Variants in PLXNA4 observed in about 807,000 individuals in gnomAD.
The protein encoded by PLXNA4 is plexin A4, also known as plexin-A4.
Under a neutral mutation model 191.8 loss-of-function variants are expected in PLXNA4, and 44 were observed. The observed-to-expected ratio is 0.23, with a 90% CI of 0.18 to 0.29. The LOEUF is 0.29. Among genes scored for constraint, PLXNA4 ranks in the 10% least tolerant of loss-of-function variants. The pLI, the probability that PLXNA4 is intolerant of heterozygous loss-of-function variation, is 1.00. For missense variants in PLXNA4, 1,800 were observed against 2,488.8 expected (o/e 0.72, Z 5.89); for synonymous variants, 1,082 against 1,009.5 (o/e 1.07, Z -1.36).
At chr7:132,170,131 A>G (rs923417841) in intron 21 of PLXNA4, among the ~76,000 whole-genome samples, 1 of 152,114 alleles carries the variant, frequency 6.6e-6, no homozygotes, top group African/African-American at 2.4e-5. Context: ...GTCATTTCCT[A>G]GGGCCCTTAG....
At chr7:132,582,661 C>T (rs1802425325) in intron 2 of PLXNA4, among the ~76,000 whole-genome samples, 1 of 152,196 alleles carries the variant, frequency 6.6e-6, no homozygotes, top group Non-Finnish European at 1.5e-5. Flanking sequence ...CCAGTTAAGC[C>T]TTCAGATGAT....
At chr7:132,457,974 C>A (rs1796369387) in intron 3 of PLXNA4, among the ~76,000 whole-genome samples, 1 of 152,168 alleles carries the variant, frequency 6.6e-6, no homozygotes, top group South Asian at 2.1e-4. Context: ...GACTTCTGAT[C>A]CCCAGAGCTG....
At chr7:132,430,545 T>C (rs1489653274) in intron 3 of PLXNA4, among the ~76,000 whole-genome samples, 2 of 152,012 alleles carry the variant, frequency 1.3e-5, no homozygotes, top group African/African-American at 2.4e-5. Context: ...GTATGCACAG[T>C]TGGGGCACAG....
chr7:132,180,825 C>G (rs990585798), intron 18 of PLXNA4, 93 bp from the exon 19 acceptor site: 1 of 1,527,030 alleles, frequency 6.5e-7, no homozygotes, highest in East Asian at 2.3e-5. Context: ...GGTCCCATCC[C>G]GCTGGTGAGC....
At chr7:132,362,143 T>A (rs531001584) in intron 3 of PLXNA4, among the ~76,000 whole-genome samples, 49 of 152,142 alleles carry the variant, frequency 3.2e-4, no homozygotes, top group Non-Finnish European at 6.3e-4. Flanking sequence ...CATAAGACCA[T>A]TTAGAGGACT....
At chr7:132,271,429 A>AG (rs1173851195) in intron 4 of PLXNA4, among the ~76,000 whole-genome samples, 1 of 78,898 alleles carries the variant, frequency 1.3e-5, no homozygotes, top group Admixed American at 1.3e-4. Context: ...TTAGTCACTT[A>AG]GGAAAAAAAA....
At chr7:132,223,775 T>G (rs538604341) in intron 8 of PLXNA4, 134 bp from the exon 9 acceptor site, 52 of 671,930 alleles carry the variant, frequency 7.7e-5, no homozygotes, top group Non-Finnish European at 1.3e-4. Context: ...GAAGGGCAGA[T>G]CTTATGCACA....
chr7:132,621,852 T>C (rs1214884576), intron 2 of PLXNA4, among the ~76,000 whole-genome samples: 2 of 152,234 alleles, frequency 1.3e-5, no homozygotes, highest in Non-Finnish European at 2.9e-5. Flanking sequence ...ACTGTTGTTT[T>C]ATTTTGCCCA....
At chr7:132,168,205 G>A in intron 22 of PLXNA4, 99 bp downstream of exon 22, 1 of 1,396,090 alleles carries the variant, frequency 7.2e-7, no homozygotes, top group South Asian at 1.8e-5. Flanking sequence ...TTGGGAACAT[G>A]GCTGCTCTCC....
intron 3 of PLXNA4, among the ~76,000 whole-genome samples, chr7:132,441,851 C>T (rs999458776): frequency 1.3e-5 from 2 of 152,168 alleles, no homozygotes; most frequent in African/African-American, 4.8e-5. Flanking sequence ...GAAGGATGAT[C>T]CCAAAGGTAG....
In PLXNA4 at chr7:132,234,596, T is replaced by TTGTGTGTGTGTGTG. The variant is rs60249306; in HGVS notation, c.1605-6141_1605-6128dup. ...ATTCTCTGGTCATGAAGCATGTGTTTTGTGTGTGTGTGTGTGTGTGTGTGT... is the reference window on the plus strand; with the variant it reads ...ATTCTCTGGTCATGAAGCATGTGTTTTGTGTGTGTGTGTGTGTGTGTGTGTGTGTGTGTGTGTGT... On this transcript the variant is annotated intron_variant, in intron 5 of 31. Coordinates refer to ENST00000321063, the MANE Select transcript of PLXNA4 (RefSeq NM_020911.2). Among the ~76,000 whole-genome samples, 806 of 144,224 alleles carry TTGTGTGTGTGTGTG rather than the reference T, an allele frequency of 5.6e-3. 12 individuals are homozygous for TTGTGTGTGTGTGTG. The highest frequency in any genetic ancestry group is 0.015 in the African/African-American group (597 of 38,664). 94.6% of individuals were successfully genotyped at this position (144,224 alleles called of 152,430 possible). A position where few individuals can be genotyped will look rare whatever the true frequency, so the allele number is the denominator to read the frequency against.
chr7:132,636,347 GGCACCAGCA>G (rs965970036), intron 2 of PLXNA4, among the ~76,000 whole-genome samples: 9 of 152,192 alleles, frequency 5.9e-5, no homozygotes, highest in African/African-American at 2.2e-4. Flanking sequence ...GGGAAGCTGA[GGCACCAGCA>G]GCCTGGACTT....
At chr7:132,414,917 G>A (rs1022312053) in intron 3 of PLXNA4, among the ~76,000 whole-genome samples, 3 of 152,134 alleles carry the variant, frequency 2.0e-5, no homozygotes, top group East Asian at 1.9e-4. Context: ...TCTTTCCAAC[G>A]CCAAGGACAA....
At chr7:132,590,795 C>G (rs1321731887) in intron 2 of PLXNA4, among the ~76,000 whole-genome samples, 4 of 152,108 alleles carry the variant, frequency 2.6e-5, no homozygotes, top group Non-Finnish European at 5.9e-5. Flanking sequence ...ACTTTGTATC[C>G]TTTAGTCCTG....
rs187437038 is a variant in PLXNA4 at position 132,484,971 on chromosome 7, T to G, written c.1371+4321A>C. The stretch of plus-strand genomic sequence containing the variant: ...CCAGGTGGGTCTCCCTCCACTCCAA[T>G]CCACTCCTGGGTGATTCCCCCTTGT... On this transcript the variant is annotated intron_variant, in intron 3 of 31. Coordinates refer to ENST00000321063, the MANE Select transcript of PLXNA4 (RefSeq NM_020911.2). 76 of 1,614,020 alleles carry G rather than the reference T, an allele frequency of 4.7e-5. No homozygotes were observed. The East Asian group carries it at 1.7e-3, about 35-fold the overall frequency.
At chr7:132,376,537 C>G (rs562825146) in intron 3 of PLXNA4, among the ~76,000 whole-genome samples, 1 of 152,330 alleles carries the variant, frequency 6.6e-6, no homozygotes, top group East Asian at 1.9e-4. Context: ...CAGCAAGAAG[C>G]AACCATAAGG....
intron 4 of PLXNA4, among the ~76,000 whole-genome samples, chr7:132,252,482 T>C (rs532538756): frequency 6.6e-6 from 1 of 151,946 alleles, no homozygotes; most frequent in South Asian, 2.1e-4. Context: ...CAGCTAATTT[T>C]TGTATTTTTA....
chr7:132,393,686 A>C (rs917368065), intron 3 of PLXNA4, among the ~76,000 whole-genome samples: 2 of 152,338 alleles, frequency 1.3e-5, no homozygotes, highest in African/African-American at 4.8e-5. Flanking sequence ...CAAAAGAGTA[A>C]GTAGACATGG....
At chr7:132,457,086 A>G (rs1796341387) in intron 3 of PLXNA4, among the ~76,000 whole-genome samples, 1 of 152,222 alleles carries the variant, frequency 6.6e-6, no homozygotes, top group Non-Finnish European at 1.5e-5. Context: ...TTAGATTTAT[A>G]GCACAATTGC....
Sources: gnomAD v4.1 joint callset for allele counts (sites outside exome capture counted in the v4.1 genomes callset) on GRCh38, gnomAD v4.1.1 for gene constraint, MANE v1.5 for transcripts, NCBI Gene and HGNC (gene_info 2026-07-23, HGNC 2026-07-21) for gene names.